The following SLC26A8 variants were observed in gnomAD, a reference collection of about 807,000 sequenced individuals.
SLC26A8 encodes the protein solute carrier family 26 member 8, also known as testis anion transporter 1.
In SLC26A8, 70 loss-of-function variants were observed where a neutral mutation model predicts 105.0. The observed-to-expected ratio is 0.67, with a 90% CI of 0.55 to 0.81. The LOEUF (loss-of-function observed/expected upper bound fraction) is 0.81, where lower values mean the gene tolerates loss of function less well. SLC26A8 is among the 40% of genes least tolerant of loss of function. SLC26A8 has a pLI of 0.00. For synonymous variants in SLC26A8, 415 were observed against 438.3 expected (o/e 0.95, Z 0.66); for missense variants, 998 against 1,181.8 (o/e 0.84, Z 2.28).
chr6:35,957,302 G>A (rs1244787899), intron 16 of SLC26A8, among the ~76,000 whole-genome samples: 3 of 151,682 alleles, frequency 2.0e-5, no homozygotes, highest in African/African-American at 7.3e-5. Context: ...TCCTTTGCTA[G>A]AGTGGTGTAA....
At chr6:35,959,406 G>A in intron 16 of SLC26A8, 54 bp downstream of exon 16, 1 of 1,548,872 alleles carries the variant, frequency 6.5e-7, no homozygotes, top group Non-Finnish European at 8.7e-7. Context: ...AATGACTAGT[G>A]TACTTGTTTA....
intron 9 of SLC26A8, among the ~76,000 whole-genome samples, chr6:35,976,044 C>A (rs1239289632): frequency 6.6e-6 from 1 of 151,934 alleles, no homozygotes; most frequent in Non-Finnish European, 1.5e-5. Flanking sequence ...GAGACTCTGG[C>A]ATTTTTATTC....
At chr6:36,004,971 T>A (rs1761645561) in intron 3 of SLC26A8, among the ~76,000 whole-genome samples, 1 of 151,906 alleles carries the variant, frequency 6.6e-6, no homozygotes, top group Non-Finnish European at 1.5e-5. Flanking sequence ...TGGCCCCCAT[T>A]TACTCTTGAA....
chr6:35,946,124 T>C (rs577823150), intron 19 of SLC26A8, among the ~76,000 whole-genome samples: 35 of 152,220 alleles, frequency 2.3e-4, no homozygotes, highest in Non-Finnish European at 7.3e-5. Context: ...ATCTATATGC[T>C]GATGCTGATG....
chr6:35,967,479 ATAAT>A (rs1338898330), intron 11 of SLC26A8, among the ~76,000 whole-genome samples: 1 of 152,256 alleles, frequency 6.6e-6, no homozygotes, highest in Non-Finnish European at 1.5e-5. Flanking sequence ...ATTATAGCTA[ATAAT>A]TAACACACCT....
chr6:36,019,436 G>A, intron 2 of SLC26A8, 84 bp downstream of exon 2: 1 of 1,383,462 alleles, frequency 7.2e-7, no homozygotes, highest in Non-Finnish European at 9.7e-7. Flanking sequence ...ACTCAGACAA[G>A]AAAGAGAAAC....
At chr6:35,991,846 T>C (rs1308825393) in intron 6 of SLC26A8, 38 bp from the exon 7 acceptor site, 1 of 1,522,388 alleles carries the variant, frequency 6.6e-7, no homozygotes, top group Non-Finnish European at 8.8e-7. Context: ...TAGAAAGGGA[T>C]GTAGTAATTG....
intron 19 of SLC26A8, among the ~76,000 whole-genome samples, chr6:35,949,807 GT>G (rs1771797708): frequency 6.6e-6 from 1 of 151,094 alleles, no homozygotes; most frequent in Admixed American, 6.6e-5. Context: ...GTGTGTGTGT[GT>G]GTTTTTTTGT....
At chr6:36,010,145 T>A (rs1761812066) in intron 3 of SLC26A8, among the ~76,000 whole-genome samples, 1 of 152,214 alleles carries the variant, frequency 6.6e-6, no homozygotes, top group South Asian at 2.1e-4. Context: ...TACGTGAATG[T>A]TCATAGCAAC....
At position 35,969,178 on chromosome 6, in the gene SLC26A8, C is replaced by T. The variant is rs1167054400; in HGVS notation, c.1288-224G>A. ...CCCTAAATGAATGGAAAGATGCTCC[C>T]TGAAAAGCTCCACGTTGTCCTGGGC... is the stretch of plus-strand genomic sequence containing the variant. On this transcript the variant is annotated intron_variant, in intron 10 of 19. Coordinates refer to ENST00000490799, the MANE Select transcript of SLC26A8 (RefSeq NM_052961.4). 2 of 499,694 alleles carry T rather than the reference C, an allele frequency of 4.0e-6. 1 individual carries two copies. The highest frequency in any genetic ancestry group is 7.3e-6 in the Non-Finnish European group (2 of 273,762). The allele number at this position is 499,694 out of a possible 1,614,324, so 31.0% of individuals were successfully genotyped here.
At chr6:35,975,551 G>T in intron 9 of SLC26A8, 63 bp from the exon 10 acceptor site, 2 of 897,824 alleles carry the variant, frequency 2.2e-6, no homozygotes, top group Non-Finnish European at 1.7e-6. Context: ...ATTTTGAGTT[G>T]AAGGCATATG....
intron 2 of SLC26A8, among the ~76,000 whole-genome samples, chr6:36,014,461 C>T (rs933510225): frequency 6.6e-6 from 1 of 151,918 alleles, no homozygotes; most frequent in Non-Finnish European, 1.5e-5. Context: ...AATGAAAGCA[C>T]AAGGGAGATT....
At position 36,000,142 on chromosome 6, in the gene SLC26A8, T is replaced by C. The variant is rs540924812; in HGVS notation, c.329-34A>G. Reference sequence around the variant, plus strand: ...CAAGATAATTTAAGAAAAAGCAGCTTGTCTTTAAAAGTCACCTTAAATAAA... The same window carrying C: ...CAAGATAATTTAAGAAAAAGCAGCTCGTCTTTAAAAGTCACCTTAAATAAA... On this transcript the variant is annotated intron_variant, in intron 3 of 19. Coordinates refer to ENST00000490799, the MANE Select transcript of SLC26A8 (RefSeq NM_052961.4). 15 of 1,446,038 alleles carry C rather than the reference T, an allele frequency of 1.0e-5. No homozygotes were observed. In the African/African-American group the frequency reaches 2.1e-4, roughly 20 times the overall value. 89.6% of individuals were successfully genotyped at this position (1,446,038 alleles called of 1,614,324 possible). A position where few individuals can be genotyped will look rare whatever the true frequency, so the allele number is the denominator to read the frequency against.
intron 19 of SLC26A8, among the ~76,000 whole-genome samples, chr6:35,948,638 A>G (rs1458279178): frequency 6.6e-6 from 1 of 152,232 alleles, no homozygotes; most frequent in Non-Finnish European, 1.5e-5. Flanking sequence ...AGCTATACAG[A>G]AAAATGACAT....
At chr6:35,987,526 C>T (rs1338643901) in intron 7 of SLC26A8, among the ~76,000 whole-genome samples, 1 of 152,124 alleles carries the variant, frequency 6.6e-6, no homozygotes, top group Non-Finnish European at 1.5e-5. Context: ...TGCACAACAC[C>T]ATGCCCAGCT....
intron 12 of SLC26A8, among the ~76,000 whole-genome samples, chr6:35,961,806 T>G (rs1330435860): frequency 6.6e-6 from 1 of 152,236 alleles, no homozygotes; most frequent in East Asian, 1.9e-4. Context: ...TGTTTCCCCT[T>G]TCTGACCTCC....
chr6:36,002,464 T>A (rs1276010703), intron 3 of SLC26A8, among the ~76,000 whole-genome samples: 2 of 152,178 alleles, frequency 1.3e-5, no homozygotes, highest in African/African-American at 4.8e-5. Flanking sequence ...CAATTTATAC[T>A]CCCACCAGTA....
intron 7 of SLC26A8, among the ~76,000 whole-genome samples, chr6:35,985,419 GCA>G (rs1188450683): frequency 6.6e-6 from 1 of 152,100 alleles, no homozygotes; most frequent in African/African-American, 2.4e-5. Flanking sequence ...AGAGGGCTGG[GCA>G]TGGTGGCTCA....
Position 35,981,980 on chromosome 6 carries a change from T to A in SLC26A8, c.1025+141A>T, listed in dbSNP as rs1031036531. The stretch of plus-strand genomic sequence containing the variant: ...AAGGAGTTGTCCCTAGCCCTTCTCC[T>A]TTCATGAACCTCTGTGTTCAAAAAT... On this transcript the variant is annotated intron_variant, in intron 8 of 19. Coordinates refer to ENST00000490799, the MANE Select transcript of SLC26A8 (RefSeq NM_052961.4). The surrounding 1 kb of genome is among the most constrained non-coding windows in gnomAD (Gnocchi z 4.0). The A allele has an allele frequency of 5.1e-6, 4 of 784,464 alleles. No individual in the cohort carries two copies. Among genetic ancestry groups the A allele is most frequent in the South Asian group, 1.8e-5 (1 of 57,078 alleles). The allele number at this position is 784,464 out of a possible 1,614,324, so 48.6% of individuals were successfully genotyped here.
Sources: allele counts gnomAD v4.1 joint callset (sites outside exome capture counted in the v4.1 genomes callset), GRCh38; gene constraint gnomAD v4.1.1; non-coding constraint Gnocchi (gnomAD v3.1); transcripts MANE v1.5; gene names NCBI Gene and HGNC (gene_info 2026-07-23, HGNC 2026-07-21).